The following GNAQ variants were observed in gnomAD, a reference collection of about 807,000 sequenced individuals.
GNAQ encodes the protein guanine nucleotide-binding protein G(q) subunit alpha.
Under a neutral mutation model 43.9 loss-of-function variants are expected in GNAQ, and 8 were observed. That is an observed-to-expected ratio of 0.18 (90% CI 0.11 to 0.33). The LOEUF (loss-of-function observed/expected upper bound fraction) is 0.33, where lower values mean the gene tolerates loss of function less well. Ranked by LOEUF, GNAQ falls within the 10% of genes least tolerant of loss-of-function variation. The pLI, the probability that GNAQ is intolerant of heterozygous loss-of-function variation, is 1.00. For synonymous variants in GNAQ, 155 were observed against 170.7 expected (o/e 0.91, Z 0.71); for missense variants, 158 against 450.8 (o/e 0.35, Z 5.88).
intron 5 of GNAQ, among the ~76,000 whole-genome samples, chr9:77,731,641 C>G (rs1564093727): frequency 6.6e-6 from 1 of 152,216 alleles, no homozygotes; most frequent in Non-Finnish European, 1.5e-5. Context: ...TGAATGCACA[C>G]TCAACTTTGT....
At chr9:77,749,904 ATT>A (rs1163502251) in intron 5 of GNAQ, among the ~76,000 whole-genome samples, 1 of 152,096 alleles carries the variant, frequency 6.6e-6, no homozygotes, top group African/African-American at 2.4e-5. Flanking sequence ...TGAAAAAAAT[ATT>A]GTGTATATTT....
chr9:77,883,620 G>C (rs1828252411), intron 2 of GNAQ, among the ~76,000 whole-genome samples: 1 of 151,994 alleles, frequency 6.6e-6, no homozygotes, highest in Non-Finnish European at 1.5e-5. Context: ...GAACCTATAG[G>C]TAATTTTTCA....
At chr9:77,858,092 T>C (rs986710296) in intron 2 of GNAQ, among the ~76,000 whole-genome samples, 2 of 152,270 alleles carry the variant, frequency 1.3e-5, no homozygotes, top group East Asian at 3.9e-4. Flanking sequence ...CAATCTCCCC[T>C]TCCTGCTTTC....
intron 2 of GNAQ, among the ~76,000 whole-genome samples, chr9:77,818,043 T>A (rs751688953): frequency 7.2e-5 from 11 of 152,086 alleles, no homozygotes; most frequent in Non-Finnish European, 1.5e-4. Context: ...AAAAAAACTG[T>A]CTTGTGAGAA....
intron 2 of GNAQ, among the ~76,000 whole-genome samples, chr9:77,821,800 A>T (rs1046500738): frequency 1.3e-5 from 2 of 151,688 alleles, no homozygotes; most frequent in Non-Finnish European, 2.9e-5. Flanking sequence ...AAACTAGTTT[A>T]TCTTCAGAGA....
chr9:77,786,800 A>C (rs1489314464), intron 5 of GNAQ, among the ~76,000 whole-genome samples: 1 of 152,160 alleles, frequency 6.6e-6, no homozygotes, highest in African/African-American at 2.4e-5. Flanking sequence ...AGGTATGCTT[A>C]CTCTATGTGC....
At position 77,720,970 on chromosome 9, in the gene GNAQ, C is replaced by T. The variant is rs1825300963; in HGVS notation, c.*353G>A. 4.0e-6 allele frequency: 1 copy of T among 249,440 alleles called. No individual in the cohort carries two copies. Among genetic ancestry groups the T allele is most frequent in the African/African-American group, 2.2e-5 (1 of 45,778 alleles). 15.5% of individuals were successfully genotyped at this position (249,440 alleles called of 1,614,324 possible). A position where few individuals can be genotyped will look rare whatever the true frequency, so the allele number is the denominator to read the frequency against. Reference sequence around the variant, plus strand: ...TAGCGGGGGAAGAAAAAAGGGAAATCAGCTTTGTTTTGCTCCATAGAAAAG... The same window carrying T: ...TAGCGGGGGAAGAAAAAAGGGAAATTAGCTTTGTTTTGCTCCATAGAAAAG... On this transcript the variant is annotated 3_prime_UTR_variant, in exon 7 of 7. Coordinates refer to ENST00000286548, the MANE Select transcript of GNAQ (RefSeq NM_002072.5).
chr9:77,774,941 C>T (rs1826284550), intron 5 of GNAQ, among the ~76,000 whole-genome samples: 1 of 152,064 alleles, frequency 6.6e-6, no homozygotes, highest in Non-Finnish European at 1.5e-5. Context: ...CAGAAATAAT[C>T]CCTGCTAACA....
intron 2 of GNAQ, among the ~76,000 whole-genome samples, chr9:77,897,375 A>G (rs1185417990): frequency 2.6e-5 from 4 of 152,268 alleles, no homozygotes; most frequent in Admixed American, 6.5e-5. Flanking sequence ...TGAGAGCACA[A>G]TGAGGGAGCC....
chr9:77,764,605 G>T (rs925731046), intron 5 of GNAQ, among the ~76,000 whole-genome samples: 1 of 151,944 alleles, frequency 6.6e-6, no homozygotes, highest in African/African-American at 2.4e-5. Context: ...ACAGGTGCCC[G>T]CCACCATGCC....
At position 77,733,650 on chromosome 9, in the gene GNAQ, G is replaced by A. The variant is rs116983018; in HGVS notation, c.736-4983C>T. On this transcript the variant is annotated intron_variant, in intron 5 of 6. Transcript: ENST00000286548. ...GATGTCCTATCCCTAGTTTGCCAAC[G>A]GTTCAGTGGACACATAAGAGAGCTT... 5.3e-3 allele frequency among the ~76,000 whole-genome samples: 814 copies of A among 152,266 alleles called. 3 individuals carry two copies. Among genetic ancestry groups the A allele is most frequent in the Non-Finnish European group, 9.7e-3 (658 of 68,028 alleles).
chr9:77,812,483 C>A (rs931024512), intron 3 of GNAQ, among the ~76,000 whole-genome samples: 1 of 152,086 alleles, frequency 6.6e-6, no homozygotes, highest in Admixed American at 6.6e-5. Flanking sequence ...CAGGAGCAAG[C>A]TAAATCATAC....
At chr9:77,726,925 TTCTA>T (rs1394215337) in intron 6 of GNAQ, among the ~76,000 whole-genome samples, 1 of 152,194 alleles carries the variant, frequency 6.6e-6, no homozygotes, top group Non-Finnish European at 1.5e-5. Context: ...TTGCAAACAA[TTCTA>T]TCTCTGTCAC....
chr9:77,981,537 A>G (rs1823368137), intron 1 of GNAQ, among the ~76,000 whole-genome samples: 1 of 152,162 alleles, frequency 6.6e-6, no homozygotes, highest in Non-Finnish European at 1.5e-5. Flanking sequence ...GCAAAAAATA[A>G]CATTCACTGT....
intron 5 of GNAQ, among the ~76,000 whole-genome samples, chr9:77,765,840 T>C (rs910430361): frequency 1.3e-5 from 2 of 152,212 alleles, no homozygotes; most frequent in Non-Finnish European, 2.9e-5. Flanking sequence ...CAAGTGTCCA[T>C]TGGTGGATGA....
intron 6 of GNAQ, among the ~76,000 whole-genome samples, chr9:77,728,190 T>C (rs375253684): frequency 1.3e-5 from 2 of 152,268 alleles, no homozygotes; most frequent in East Asian, 3.9e-4. Flanking sequence ...AAACGGGGTT[T>C]CACCATGTTG....
chr9:77,819,002 CAAAAAAAAAAA>C (rs10547681), intron 2 of GNAQ, among the ~76,000 whole-genome samples: 9 of 45,286 alleles, frequency 2.0e-4, no homozygotes, highest in East Asian at 2.1e-3. Flanking sequence ...ACCATCTCTC[CAAAAAAAAAAA>C]AAAAAAAAAA....
intron 6 of GNAQ, among the ~76,000 whole-genome samples, chr9:77,727,042 G>A (rs1238052193): frequency 6.6e-6 from 1 of 152,022 alleles, no homozygotes; most frequent in Non-Finnish European, 1.5e-5. Flanking sequence ...AAACCAGGTG[G>A]TGGGCCATAA....
intron 2 of GNAQ, among the ~76,000 whole-genome samples, chr9:77,875,553 GA>G: frequency 6.6e-6 from 1 of 152,290 alleles, no homozygotes; most frequent in South Asian, 2.1e-4. Flanking sequence ...TCAGGAATGG[GA>G]AAAACACCTT....
Sources: allele counts gnomAD v4.1 joint callset (sites outside exome capture counted in the v4.1 genomes callset), GRCh38; gene constraint gnomAD v4.1.1; transcripts MANE v1.5; gene names NCBI Gene and HGNC (gene_info 2026-07-23, HGNC 2026-07-21).